NFS1: variants seen among roughly 807,000 people sequenced by gnomAD.
NFS1 encodes NFS1 cysteine desulfurase, also known as cysteine desulfurase.
Under a neutral mutation model 57.3 loss-of-function variants are expected in NFS1, and 26 were observed. The ratio of observed to expected loss-of-function variants is 0.45; its 90% CI spans 0.33 to 0.63. NFS1 has a LOEUF of 0.63. Ranked by LOEUF, NFS1 falls within the 20% of genes least tolerant of loss-of-function variation. NFS1 has a pLI of 0.02. For synonymous variants in NFS1, 209 were observed against 216.3 expected (o/e 0.97, Z 0.30); for missense variants, 505 against 605.8 (o/e 0.83, Z 1.75).
At position 35,672,876 on chromosome 20, in the gene NFS1, T is replaced by C. The variant is rs1390017679; in HGVS notation, c.1221-32A>G. The C allele has an allele frequency of 5.2e-6, 7 of 1,334,544 alleles. No homozygotes were observed. The East Asian group carries it at 1.6e-4, about 31-fold the overall frequency. 82.7% of individuals were successfully genotyped at this position (1,334,544 alleles called of 1,614,324 possible). A position where few individuals can be genotyped will look rare whatever the true frequency, so the allele number is the denominator to read the frequency against. On this transcript the variant is annotated intron_variant, in intron 11 of 12. Coordinates refer to ENST00000374092, the MANE Select transcript of NFS1 (RefSeq NM_021100.5). ...AAAGGCACAGGAGAATGGCTCCCCA[T>C]CAGAGCTCTGGCACTGGGATAAATT...
chr20:35,680,951 CT>C, intron 6 of NFS1, 80 bp from the exon 7 acceptor site: 1 of 1,190,338 alleles, frequency 8.4e-7, no homozygotes, highest in East Asian at 2.9e-5. Context: ...TGTGAATTAT[CT>C]CCAATAGTAA....
chr20:35,673,615 C>A lies in NFS1; in HGVS notation c.1206G>T (p.Ala402=). The part of the protein sequence containing the change: ...LRAIGTDEDL[A]HSSIRFGIGR... ...AACTCACTGACCTGATAGAAGAGTG[C>A]GCTAAATCCTCATCAGTGCCAATTG... The change falls in exon 11 of 13, where the codon GCG becomes GCT. Residue 402 remains alanine, a synonymous_variant. Transcript: ENST00000374092. 1.9e-6 allele frequency: 3 copies of A among 1,613,614 alleles called. No individual in the cohort carries two copies. Among genetic ancestry groups the A allele is most frequent in the Non-Finnish European group, 2.5e-6 (3 of 1,179,698 alleles).
rs1290353945 is a variant in NFS1 at position 35,697,775 on chromosome 20, A to G, written c.233T>C (p.Leu78Pro). 6.2e-7 allele frequency: 1 copy of G among 1,613,466 alleles called. No homozygotes were observed. The highest frequency in any genetic ancestry group is 8.5e-7 in the Non-Finnish European group (1 of 1,179,682). The change falls in exon 3 of 13, where the codon CTC (leucine) becomes CCC (proline). Residue 78 changes from leucine to proline, a missense_variant. Coordinates refer to ENST00000374092, the MANE Select transcript of NFS1 (RefSeq NM_021100.5). ...CCCATAGTAGTTGATTAGGTAAGGG[A>G]GCATGGCATCAAGCACCCGGGGGTC... ...PLDPRVLDAM[L>P]PYLINYYGNP...
rs573145763 is a variant in NFS1 at position 35,692,194 on chromosome 20, A to C, written c.409-1629T>G. The C allele has an allele frequency of 6.9e-4, 171 of 248,494 alleles. 4 individuals are homozygous for C. The South Asian group carries it at 7.1e-3, about 10-fold the overall frequency. The allele number at this position is 248,494 out of a possible 1,614,324, so 15.4% of individuals were successfully genotyped here. A position where few individuals can be genotyped will look rare whatever the true frequency, so the allele number is the denominator to read the frequency against. ...AGAGCAAAACTCTGTCTCAAAAAAT[A>C]AATAAATAAATAAAAATAAAAATAC... On this transcript the variant is annotated intron_variant, in intron 4 of 12. Coordinates refer to ENST00000374092, the MANE Select transcript of NFS1 (RefSeq NM_021100.5).
Position 35,699,169 on chromosome 20 carries a change from C to T in NFS1, c.97+23G>A. 1 of 1,388,912 alleles carries T rather than the reference C, an allele frequency of 7.2e-7. No individual in the cohort carries two copies. Among genetic ancestry groups the T allele is most frequent in the Admixed American group, 3.6e-5 (1 of 27,656 alleles). 86.0% of individuals were successfully genotyped at this position (1,388,912 alleles called of 1,614,324 possible). A position where few individuals can be genotyped will look rare whatever the true frequency, so the allele number is the denominator to read the frequency against. On this transcript the variant is annotated intron_variant, in intron 1 of 12. Transcript: ENST00000374092. The surrounding 1 kb of genome is among the most constrained non-coding windows in gnomAD (Gnocchi z 4.4). Reference sequence around the variant, plus strand: ...GCGGAGGGGACAGGTCCGCGCCTCCCGGAGAGCGGGACCCGAGCGTACCGC... The same window carrying T: ...GCGGAGGGGACAGGTCCGCGCCTCCTGGAGAGCGGGACCCGAGCGTACCGC...
intron 7 of NFS1, among the ~76,000 whole-genome samples, chr20:35,678,981 A>G (rs1344150090): frequency 6.6e-6 from 1 of 152,242 alleles, no homozygotes; most frequent in East Asian, 1.9e-4. Context: ...AAATTCAAAC[A>G]GCAAGTGCTC....
At chr20:35,673,821 A>T in intron 10 of NFS1, 137 bp from the exon 11 acceptor site, 2 of 625,926 alleles carry the variant, frequency 3.2e-6, no homozygotes, top group South Asian at 1.9e-5. Flanking sequence ...AATCTGGCAG[A>T]ACTAAAGGAC....
intron 5 of NFS1, among the ~76,000 whole-genome samples, chr20:35,689,548 C>T (rs1290856677): frequency 1.3e-5 from 2 of 152,090 alleles, no homozygotes; most frequent in African/African-American, 4.8e-5. Flanking sequence ...GTGGGTGGAT[C>T]ACGAGGTCAG....
rs945022655 is a variant in NFS1 at position 35,674,971 on chromosome 20, C to G, written c.948+74G>C. On this transcript the variant is annotated intron_variant, in intron 8 of 12. Coordinates refer to ENST00000374092, the MANE Select transcript of NFS1 (RefSeq NM_021100.5). ...TCTCCCTGCAGAGATCTGCCTCAGTCATGCTGAGAAGCCTCTAAATAGGAG... is the reference window on the plus strand; with the variant it reads ...TCTCCCTGCAGAGATCTGCCTCAGTGATGCTGAGAAGCCTCTAAATAGGAG... 4 of 1,579,902 alleles carry G rather than the reference C, an allele frequency of 2.5e-6. No homozygotes were observed. In the African/African-American group the frequency reaches 5.4e-5, roughly 21 times the overall value.
At chr20:35,683,325 T>C (rs900840778) in intron 5 of NFS1, among the ~76,000 whole-genome samples, 4 of 149,522 alleles carry the variant, frequency 2.7e-5, no homozygotes, top group Non-Finnish European at 5.9e-5. Flanking sequence ...CTACTAAAAA[T>C]ACAAAAATTA....
chr20:35,672,860 G>C lies in NFS1; in HGVS notation c.1221-16C>G. 1 of 1,527,772 alleles carries C rather than the reference G, an allele frequency of 6.5e-7. No individual in the cohort carries two copies. The highest frequency in any genetic ancestry group is 9.0e-7 in the Non-Finnish European group (1 of 1,113,922). 94.6% of individuals were successfully genotyped at this position (1,527,772 alleles called of 1,614,324 possible). On this transcript the variant is annotated splice_polypyrimidine_tract_variant and intron_variant, in intron 11 of 12. Transcript: ENST00000374092. ...AATTCCAAACCTGAAAAAAGGCACA[G>C]GAGAATGGCTCCCCATCAGAGCTCT...
chr20:35,692,830 C>G lies in NFS1; in HGVS notation c.409-2265G>C, dbSNP rs149734817. Reference sequence around the variant, plus strand: ...CAGCCTAGTCAACATGGCGAAACCCCGTCTCTACTAAAAATACAAAAATTA... The same window carrying G: ...CAGCCTAGTCAACATGGCGAAACCCGGTCTCTACTAAAAATACAAAAATTA... On this transcript the variant is annotated intron_variant, in intron 4 of 12. Transcript: ENST00000374092. Among the ~76,000 whole-genome samples the G allele has an allele frequency of 5.8e-3, 888 of 151,924 alleles. 5 individuals are homozygous for G. The highest frequency in any genetic ancestry group is 0.024 in the Middle Eastern group (7 of 294).
Position 35,699,170 on chromosome 20 carries a change from G to A in NFS1, c.97+22C>T, listed in dbSNP as rs1327537101. 1.1e-5 allele frequency: 15 copies of A among 1,389,384 alleles called. No homozygotes were observed. The highest frequency in any genetic ancestry group is 1.4e-5 in the Non-Finnish European group (15 of 1,081,192). The allele number at this position is 1,389,384 out of a possible 1,614,324, so 86.1% of individuals were successfully genotyped here. A position where few individuals can be genotyped will look rare whatever the true frequency, so the allele number is the denominator to read the frequency against. On this transcript the variant is annotated intron_variant, in intron 1 of 12. Transcript: ENST00000374092. The surrounding 1 kb of genome is among the most constrained non-coding windows in gnomAD (Gnocchi z 4.4). ...CGGAGGGGACAGGTCCGCGCCTCCC[G>A]GAGAGCGGGACCCGAGCGTACCGCG...
In NFS1 at chr20:35,681,779, T is replaced by C. The variant is rs1211900484; in HGVS notation, c.655+109A>G. 4.9e-6 allele frequency: 3 copies of C among 617,500 alleles called. No individual in the cohort carries two copies. The African/African-American group carries it at 5.4e-5, about 11-fold the overall frequency. The allele number at this position is 617,500 out of a possible 1,614,324, so 38.3% of individuals were successfully genotyped here. On this transcript the variant is annotated intron_variant, in intron 6 of 12. Coordinates refer to ENST00000374092, the MANE Select transcript of NFS1 (RefSeq NM_021100.5). ...ATGTCCTTGAACAAAGTACTTAGGCTTTCCCTTGATTTCCTAACTACACTC... is the reference window on the plus strand; with the variant it reads ...ATGTCCTTGAACAAAGTACTTAGGCCTTCCCTTGATTTCCTAACTACACTC...
chr20:35,687,317 C>T (rs2034962930), intron 5 of NFS1, among the ~76,000 whole-genome samples: 1 of 152,204 alleles, frequency 6.6e-6, no homozygotes, highest in Non-Finnish European at 1.5e-5. Context: ...CCATCCTGTA[C>T]ACCTGGCTCT....
In NFS1 at chr20:35,675,201, C is replaced by G. The variant is rs750700576; in HGVS notation, c.792G>C (p.Gly264=). ...ISGHKIYGPK[G]VGAIYIRRRP... ...GGCGACGGATGTAGATGGCACCAAC[C>G]CCTGGGAAACAAAATTTGTTACAAA... The change falls in exon 8 of 13, where the codon GGG becomes GGC. Residue 264 remains glycine (G), a splice_region_variant and synonymous_variant. Coordinates refer to ENST00000374092, the MANE Select transcript of NFS1 (RefSeq NM_021100.5). 2 of 1,587,298 alleles carry G rather than the reference C, an allele frequency of 1.3e-6. No homozygotes were observed. The highest frequency in any genetic ancestry group is 1.7e-6 in the Non-Finnish European group (2 of 1,165,350).
At position 35,672,748 on chromosome 20, in the gene NFS1, T is replaced by G. The variant is rs752983893; in HGVS notation, c.1310+7A>C. 7.6e-6 allele frequency: 12 copies of G among 1,579,178 alleles called. No individual in the cohort carries two copies. In the Admixed American group the frequency reaches 2.0e-4, roughly 26 times the overall value. On this transcript the variant is annotated splice_region_variant and intron_variant, in intron 12 of 12. Coordinates refer to ENST00000374092, the MANE Select transcript of NFS1 (RefSeq NM_021100.5). The stretch of plus-strand genomic sequence containing the variant: ...CTTCCAAAGCGTCTCTGATACAATA[T>G]GTATACCTCATTTCTCGAAGACGCT...
chr20:35,689,260 G>A (rs981237912), intron 5 of NFS1, among the ~76,000 whole-genome samples: 1 of 152,160 alleles, frequency 6.6e-6, no homozygotes, highest in Non-Finnish European at 1.5e-5. Context: ...GTCCGAGATG[G>A]GTGGATCACC....
chr20:35,693,176 C>A (rs1244972057), intron 4 of NFS1, among the ~76,000 whole-genome samples: 1 of 151,842 alleles, frequency 6.6e-6, no homozygotes, highest in Non-Finnish European at 1.5e-5. Flanking sequence ...GGTCTCGGCC[C>A]ACTGCAACCT....
Sources: gnomAD v4.1 joint callset for allele counts (sites outside exome capture counted in the v4.1 genomes callset) on GRCh38, gnomAD v4.1.1 for gene constraint, Gnocchi (gnomAD v3.1) non-coding constraint, MANE v1.5 for transcripts, NCBI Gene and HGNC (gene_info 2026-07-23, HGNC 2026-07-21) for gene names.